LRRC4C: variants seen among roughly 807,000 people sequenced by gnomAD.
LRRC4C encodes the protein leucine rich repeat containing 4C.
In LRRC4C, 5 loss-of-function variants were observed where a neutral mutation model predicts 33.6. That is an observed-to-expected ratio of 0.15 (90% CI 0.08 to 0.31). The LOEUF (loss-of-function observed/expected upper bound fraction) is 0.31, where lower values mean the gene tolerates loss of function less well. Among genes scored for constraint, LRRC4C ranks in the 10% least tolerant of loss-of-function variants. The pLI, the probability that LRRC4C is intolerant of heterozygous loss-of-function variation, is 1.00. For synonymous variants in LRRC4C, 329 were observed against 302.0 expected, an observed-to-expected ratio of 1.09 and a Z score of -0.93; for missense variants, 560 against 796.7, an observed-to-expected ratio of 0.70 and a Z score of 3.58.
At chr11:41,184,112 T>C (rs1451000128) in intron 1 of LRRC4C, among the ~76,000 whole-genome samples, 1 of 152,192 alleles carries the variant, frequency 6.6e-6, no homozygotes, top group African/African-American at 2.4e-5. Flanking sequence ...CCTAGACCTT[T>C]GGGCCTGTAA....
chr11:40,307,324 AT>A (rs1945089379), intron 4 of LRRC4C, among the ~76,000 whole-genome samples: 1 of 152,130 alleles, frequency 6.6e-6, no homozygotes, highest in South Asian at 2.1e-4. Context: ...ATTGGGAGAA[AT>A]TTGCATGTTC....
intron 5 of LRRC4C, among the ~76,000 whole-genome samples, chr11:40,210,135 A>G (rs1863474830): frequency 6.6e-6 from 1 of 151,998 alleles, no homozygotes; most frequent in Non-Finnish European, 1.5e-5. Context: ...ATTATGTAGA[A>G]AAGAATATAT....
chr11:40,947,318 C>T (rs1958447677), intron 1 of LRRC4C, among the ~76,000 whole-genome samples: 2 of 152,102 alleles, frequency 1.3e-5, no homozygotes, highest in South Asian at 4.1e-4. Flanking sequence ...TACTTGGTAA[C>T]ACATTTTAGG....
chr11:40,519,697 A>G (rs1003267310), intron 3 of LRRC4C, among the ~76,000 whole-genome samples: 2 of 152,318 alleles, frequency 1.3e-5, no homozygotes, highest in South Asian at 4.1e-4. Context: ...TCTGGAAAGG[A>G]TTCACCATTC....
At chr11:40,135,381 C>T (rs902884769) in intron 6 of LRRC4C, among the ~76,000 whole-genome samples, 2 of 152,134 alleles carry the variant, frequency 1.3e-5, no homozygotes, top group African/African-American at 4.8e-5. Context: ...TGGAATCTTG[C>T]AAAACTAGGA....
intron 2 of LRRC4C, among the ~76,000 whole-genome samples, chr11:40,679,065 A>G (rs763739609): frequency 6.6e-6 from 1 of 152,220 alleles, no homozygotes; most frequent in Non-Finnish European, 1.5e-5. Context: ...AGGTGGTCTC[A>G]GATGGAGATG....
chr11:40,117,210 T>C (rs1348928153), intron 6 of LRRC4C, among the ~76,000 whole-genome samples: 1 of 152,134 alleles, frequency 6.6e-6, no homozygotes, highest in Non-Finnish European at 1.5e-5. Flanking sequence ...AAAAGCAAAA[T>C]ATTTTTCACA....
chr11:40,573,403 C>T (rs1369562613), intron 3 of LRRC4C, among the ~76,000 whole-genome samples: 1 of 152,186 alleles, frequency 6.6e-6, no homozygotes, highest in Non-Finnish European at 1.5e-5. Context: ...ATACCATTCT[C>T]TACACCTTCC....
At chr11:41,194,174 A>G (rs949267872) in intron 1 of LRRC4C, among the ~76,000 whole-genome samples, 35 of 152,152 alleles carry the variant, frequency 2.3e-4, no homozygotes, top group African/African-American at 8.2e-4. Flanking sequence ...TTTATCATAA[A>G]AATACAGCAT....
At chr11:40,854,337 C>T (rs1056628834) in intron 2 of LRRC4C, among the ~76,000 whole-genome samples, 4 of 152,068 alleles carry the variant, frequency 2.6e-5, no homozygotes, top group African/African-American at 4.8e-5. Context: ...AAGGCTGCTG[C>T]CCTGTTTTAA....
At chr11:41,072,956 T>G (rs140018827) in intron 1 of LRRC4C, among the ~76,000 whole-genome samples, 47 of 152,326 alleles carry the variant, frequency 3.1e-4, no homozygotes, top group South Asian at 8.3e-4. Flanking sequence ...TTAAGTGTTC[T>G]GATTATAGAT....
chr11:41,120,120 A>G (rs1037327225), intron 1 of LRRC4C, among the ~76,000 whole-genome samples: 29 of 152,148 alleles, frequency 1.9e-4, no homozygotes, highest in African/African-American at 6.5e-4. Context: ...ATTTTTCACA[A>G]TTGAAGGAAG....
At chr11:40,535,970 T>A (rs74933108) in intron 3 of LRRC4C, among the ~76,000 whole-genome samples, 4,022 of 152,228 alleles carry the variant, frequency 0.026, 178 homozygotes, top group African/African-American at 0.092. Flanking sequence ...AATACTCTGG[T>A]CACTTCATTT....
intron 5 of LRRC4C, among the ~76,000 whole-genome samples, chr11:40,167,531 G>A (rs1020179921): frequency 1.3e-5 from 2 of 152,074 alleles, no homozygotes; most frequent in Non-Finnish European, 2.9e-5. Flanking sequence ...GGCAGGCCTC[G>A]GTAGTTCTCA....
intron 3 of LRRC4C, among the ~76,000 whole-genome samples, chr11:40,542,290 T>G (rs1192274049): frequency 6.6e-6 from 1 of 152,084 alleles, no homozygotes; most frequent in Non-Finnish European, 1.5e-5. Flanking sequence ...AAACAAGGGA[T>G]AACTGTGATT....
intron 1 of LRRC4C, among the ~76,000 whole-genome samples, chr11:41,117,341 AC>A (rs1348001784): frequency 6.6e-6 from 1 of 152,152 alleles, no homozygotes; most frequent in Non-Finnish European, 1.5e-5. Context: ...ATTTTAAAAA[AC>A]ATAACAAAAT....
chr11:40,936,127 G>T (rs1957887368), intron 1 of LRRC4C, among the ~76,000 whole-genome samples: 1 of 136,838 alleles, frequency 7.3e-6, no homozygotes, highest in Admixed American at 7.7e-5. Context: ...TAACTGAGCT[G>T]CAATGATTTC....
intron 1 of LRRC4C, among the ~76,000 whole-genome samples, chr11:40,954,057 C>T (rs1306901464): frequency 6.6e-6 from 1 of 151,792 alleles, no homozygotes; most frequent in African/African-American, 2.4e-5. Flanking sequence ...TTTCATGTTC[C>T]CTATTCATAC....
At chr11:40,943,001 T>C (rs1182670934) in intron 1 of LRRC4C, among the ~76,000 whole-genome samples, 1 of 152,160 alleles carries the variant, frequency 6.6e-6, no homozygotes, top group East Asian at 1.9e-4. Context: ...GCAGCTCAGG[T>C]GTTGAAAGCA....
Sources: gnomAD v4.1 joint callset for allele counts (sites outside exome capture counted in the v4.1 genomes callset) on GRCh38, gnomAD v4.1.1 for gene constraint, MANE v1.5 for transcripts, NCBI Gene and HGNC (gene_info 2026-07-23, HGNC 2026-07-21) for gene names.